Variants in GPBP1 observed in about 807,000 individuals in gnomAD.
GPBP1 encodes GC-rich promoter binding protein 1, also known as vasculin.
GPBP1 carries 13 observed loss-of-function variants against 56.5 expected under a neutral mutation model. The ratio of observed to expected loss-of-function variants is 0.23; its 90% CI spans 0.15 to 0.37. GPBP1 has a LOEUF of 0.37. Among genes scored for constraint, GPBP1 ranks in the 10% least tolerant of loss-of-function variants. GPBP1 has a pLI of 1.00. For missense variants in GPBP1, 477 were observed against 572.3 expected, an observed-to-expected ratio of 0.83 and a Z score of 1.70; for synonymous variants, 204 against 188.9, an observed-to-expected ratio of 1.08 and a Z score of -0.66.
chr5:57,184,156 T>C (rs1754185079), intron 2 of GPBP1, among the ~76,000 whole-genome samples: 1 of 151,964 alleles, frequency 6.6e-6, no homozygotes, highest in Non-Finnish European at 1.5e-5. Flanking sequence ...CACTTGAACC[T>C]GGGAGATGGA....
At chr5:57,204,173 A>C (rs1454733318) in intron 2 of GPBP1, among the ~76,000 whole-genome samples, 1 of 152,226 alleles carries the variant, frequency 6.6e-6, no homozygotes, top group Non-Finnish European at 1.5e-5. Flanking sequence ...ATTCAGTGGA[A>C]TAAAAATGTC....
At chr5:57,259,922 C>T (rs1451686466) in intron 10 of GPBP1, among the ~76,000 whole-genome samples, 1 of 152,118 alleles carries the variant, frequency 6.6e-6, no homozygotes, top group African/African-American at 2.4e-5. Flanking sequence ...TTGACTGGTC[C>T]TCTTTTGCTT....
At chr5:57,222,041 T>G (rs1034078650) in intron 3 of GPBP1, among the ~76,000 whole-genome samples, 27 of 152,232 alleles carry the variant, frequency 1.8e-4, no homozygotes, top group African/African-American at 6.3e-4. Context: ...TTTTTTTGTT[T>G]TGTTTTTTTT....
At chr5:57,176,520 A>T (rs1753793116) in intron 2 of GPBP1, 120 bp downstream of exon 2, 1 of 152,268 alleles carries the variant, frequency 6.6e-6, no homozygotes, top group African/African-American at 2.4e-5. Flanking sequence ...GCTTGGTTTC[A>T]GTTTCCTTGA....
chr5:57,254,244 C>T (rs1295535958), intron 10 of GPBP1, among the ~76,000 whole-genome samples: 1 of 152,122 alleles, frequency 6.6e-6, no homozygotes, highest in African/African-American at 2.4e-5. Flanking sequence ...CGCTTTTTTT[C>T]CCTTAGATTG....
chr5:57,226,553 C>CTTTTTTTTTTTTT (rs34180383), intron 3 of GPBP1, among the ~76,000 whole-genome samples: 2 of 62,130 alleles, frequency 3.2e-5, no homozygotes, highest in Non-Finnish European at 2.8e-5. Flanking sequence ...AGCATTTTTG[C>CTTTTTTTTTTTTT]TTTTTTTTTT....
In GPBP1 at chr5:57,188,604, A is replaced by T. The variant is rs369138641; in HGVS notation, c.-58+12204A>T. ...AAAAAAATGCAGAAATTAGCTGGGC[A>T]TGGTATTGGGTGCCTGTAATCCCAG... is the stretch of plus-strand genomic sequence containing the variant. On this transcript the variant is annotated intron_variant, in intron 2 of 11. Transcript: ENST00000506184. Among the ~76,000 whole-genome samples the T allele has an allele frequency of 6.9e-4, 105 of 152,058 alleles. 1 individual carries two copies. The highest frequency in any genetic ancestry group is 2.5e-3 in the African/African-American group (105 of 41,484).
At chr5:57,230,472 T>A (rs1756402424) in intron 3 of GPBP1, among the ~76,000 whole-genome samples, 1 of 152,180 alleles carries the variant, frequency 6.6e-6, no homozygotes, top group Non-Finnish European at 1.5e-5. Flanking sequence ...ATTTGACAAT[T>A]TTTCTCTGAT....
At chr5:57,214,354 G>A (rs144918013) in intron 3 of GPBP1, among the ~76,000 whole-genome samples, 161 bp downstream of exon 3, 38 of 152,300 alleles carry the variant, frequency 2.5e-4, no homozygotes, top group African/African-American at 8.2e-4. Context: ...GGGAGGCTGA[G>A]GTGGGTGGAT....
At position 57,263,324 on chromosome 5, in the gene GPBP1, C is replaced by T. The variant is rs1415068464; in HGVS notation, c.*572C>T. 2.0e-5 allele frequency: 3 copies of T among 152,226 alleles called. No homozygotes were observed. The highest frequency in any genetic ancestry group is 1.3e-4 in the Admixed American group (2 of 15,282). 9.4% of individuals were successfully genotyped at this position (152,226 alleles called of 1,614,324 possible). ...TCCTGAACTCACCTGTTGTACTATT[C>T]ACCTTTTAAACCATAAATTGCTCTT... On this transcript the variant is annotated 3_prime_UTR_variant, in exon 12 of 12. Coordinates refer to ENST00000506184, the MANE Select transcript of GPBP1 (RefSeq NM_022913.4).
intron 6 of GPBP1, among the ~76,000 whole-genome samples, chr5:57,238,653 A>G (rs1740659226): frequency 6.6e-6 from 1 of 152,222 alleles, no homozygotes; most frequent in Non-Finnish European, 1.5e-5. Context: ...TGACCATGTC[A>G]GCAACATACT....
chr5:57,191,558 GTT>G (rs60401326), intron 2 of GPBP1, among the ~76,000 whole-genome samples: 31 of 145,036 alleles, frequency 2.1e-4, no homozygotes, highest in African/African-American at 2.6e-4. Context: ...TTATCTTTAG[GTT>G]TTTTTTTTTT....
At chr5:57,198,411 C>G (rs1306026473) in intron 2 of GPBP1, among the ~76,000 whole-genome samples, 1 of 152,164 alleles carries the variant, frequency 6.6e-6, no homozygotes, top group East Asian at 1.9e-4. Flanking sequence ...AGTCAGGATG[C>G]CATCATGAAC....
intron 2 of GPBP1, among the ~76,000 whole-genome samples, chr5:57,188,185 A>G (rs540516278): frequency 1.3e-5 from 2 of 151,726 alleles, no homozygotes; most frequent in South Asian, 2.1e-4. Flanking sequence ...TGGAAGTTGC[A>G]GTGAGCTGAG....
chr5:57,256,560 T>C (rs1475071465), intron 10 of GPBP1, among the ~76,000 whole-genome samples: 1 of 152,170 alleles, frequency 6.6e-6, no homozygotes, highest in Admixed American at 6.5e-5. Context: ...CGAATACCAT[T>C]ATCTAGTGTG....
chr5:57,182,961 G>A (rs1439158112), intron 2 of GPBP1, among the ~76,000 whole-genome samples: 3 of 152,222 alleles, frequency 2.0e-5, no homozygotes, highest in African/African-American at 7.2e-5. Context: ...GGGATTACAG[G>A]CATGAGCCAC....
In GPBP1 at chr5:57,194,436, G is replaced by T. The variant is rs1217952879; in HGVS notation, c.-58+18036G>T. On this transcript the variant is annotated intron_variant, in intron 2 of 11. Coordinates refer to ENST00000506184, the MANE Select transcript of GPBP1 (RefSeq NM_022913.4). ...TGAATAATAGTTACACATATTTAAG[G>T]AGCACATATTTTGATAAAAGCATAC... Among the ~76,000 whole-genome samples, 4 of 152,020 alleles carry T rather than the reference G, an allele frequency of 2.6e-5. No individual in the cohort carries two copies. In the East Asian group the frequency reaches 7.7e-4, roughly 29 times the overall value.
At chr5:57,224,626 A>C (rs1756099244) in intron 3 of GPBP1, among the ~76,000 whole-genome samples, 1 of 151,942 alleles carries the variant, frequency 6.6e-6, no homozygotes, top group South Asian at 2.1e-4. Context: ...TTTTGTAGAG[A>C]TGGGGTCTTG....
chr5:57,204,103 A>C (rs1337122012), intron 2 of GPBP1, among the ~76,000 whole-genome samples: 2 of 152,070 alleles, frequency 1.3e-5, no homozygotes, highest in African/African-American at 4.8e-5. Flanking sequence ...CTTAGCATGC[A>C]GTAGATGTCT....
Sources: gnomAD v4.1 joint callset for allele counts (sites outside exome capture counted in the v4.1 genomes callset) on GRCh38, gnomAD v4.1.1 for gene constraint, MANE v1.5 for transcripts, NCBI Gene and HGNC (gene_info 2026-07-23, HGNC 2026-07-21) for gene names.